KIF13A: variants seen among roughly 807,000 people sequenced by gnomAD.
KIF13A encodes kinesin-like protein KIF13A.
KIF13A carries 79 observed loss-of-function variants against 212.2 expected under a neutral mutation model. The observed-to-expected ratio is 0.37, with a 90% CI of 0.31 to 0.45. The LOEUF (loss-of-function observed/expected upper bound fraction) is 0.45, where lower values mean the gene tolerates loss of function less well. Ranked by LOEUF, KIF13A falls within the 20% of genes least tolerant of loss-of-function variation. The pLI, the probability that KIF13A is intolerant of heterozygous loss-of-function variation, is 1.00. For missense variants in KIF13A, 1,901 were observed against 2,209.0 expected, an observed-to-expected ratio of 0.86 and a Z score of 2.79; for synonymous variants, 789 against 808.6, an observed-to-expected ratio of 0.98 and a Z score of 0.41.
intron 2 of KIF13A, among the ~76,000 whole-genome samples, chr6:17,959,762 G>T (rs757613333): frequency 4.6e-5 from 7 of 152,130 alleles, no homozygotes; most frequent in Admixed American, 3.9e-4. Context: ...AGTGGCTCAC[G>T]CCCGTAATCC....
Position 17,763,929 on chromosome 6 carries a change from A to G in KIF13A, c.*181T>C, listed in dbSNP as rs1300219065. On this transcript the variant is annotated 3_prime_UTR_variant, in exon 39 of 39. Transcript: ENST00000259711. ...CCAGGTAAAAAAATCCACTGGTCTTATAATTTCACAATTGCGTTCTAGTTC... is the reference window on the plus strand; with the variant it reads ...CCAGGTAAAAAAATCCACTGGTCTTGTAATTTCACAATTGCGTTCTAGTTC... 26 of 1,432,768 alleles carry G rather than the reference A, an allele frequency of 1.8e-5. No individual in the cohort carries two copies. Among genetic ancestry groups the G allele is most frequent in the Non-Finnish European group, 2.1e-5 (23 of 1,098,206 alleles). The allele number at this position is 1,432,768 out of a possible 1,614,324, so 88.8% of individuals were successfully genotyped here.
chr6:17,940,574 A>G (rs1460351393), intron 2 of KIF13A, among the ~76,000 whole-genome samples: 1 of 152,226 alleles, frequency 6.6e-6, no homozygotes, highest in African/African-American at 2.4e-5. Flanking sequence ...GAGTTAAGAG[A>G]GAATTCCCTG....
At chr6:17,870,197 A>G (rs1386448194) in intron 4 of KIF13A, among the ~76,000 whole-genome samples, 1 of 152,220 alleles carries the variant, frequency 6.6e-6, no homozygotes, top group Non-Finnish European at 1.5e-5. Context: ...CTGAAGAATA[A>G]GAAAATATCC....
At chr6:17,978,326 G>C (rs769344511) in intron 2 of KIF13A, among the ~76,000 whole-genome samples, 5 of 152,160 alleles carry the variant, frequency 3.3e-5, no homozygotes, top group African/African-American at 4.8e-5. Flanking sequence ...TTTCCAAGGA[G>C]GAATTTCTTC....
intron 9 of KIF13A, among the ~76,000 whole-genome samples, chr6:17,844,183 T>C (rs375387067): frequency 5.7e-4 from 87 of 152,278 alleles, no homozygotes; most frequent in African/African-American, 1.9e-3. Context: ...AGAATATGGA[T>C]GGCAAATTAT....
At chr6:17,824,770 A>C (rs1392056367) in intron 16 of KIF13A, among the ~76,000 whole-genome samples, 1 of 147,432 alleles carries the variant, frequency 6.8e-6, no homozygotes, top group Non-Finnish European at 1.5e-5. Flanking sequence ...CAAAAAAAAA[A>C]AAAAAAAAAA....
intron 3 of KIF13A, among the ~76,000 whole-genome samples, chr6:17,896,705 C>T (rs1772599205): frequency 6.6e-6 from 1 of 152,224 alleles, no homozygotes; most frequent in African/African-American, 2.4e-5. Flanking sequence ...TATATACTCA[C>T]TAGAAAGTGA....
chr6:17,871,535 G>T lies in KIF13A; in HGVS notation c.220+1842C>A, dbSNP rs183814052. ...TGGGCTGCACACACACAGTGGGTTG[G>T]GGGGGGAGTCATGAATACTTAAAAA... On this transcript the variant is annotated intron_variant, in intron 4 of 38. Transcript: ENST00000259711. The surrounding 1 kb of genome is among the most constrained non-coding windows in gnomAD (Gnocchi z 4.4). Among the ~76,000 whole-genome samples the T allele has an allele frequency of 1.2e-4, 18 of 152,116 alleles. No individual in the cohort carries two copies. The South Asian group carries it at 1.2e-3, about 11-fold the overall frequency.
rs776698467 is a variant in KIF13A, at chr6:17,808,816, G to A, written c.2115C>T (p.Tyr705=). ...LAEEMSKLTD[Y]QVTLQIPAAN... is the part of the protein sequence containing the mutation. ...CAGCAGGGATCTGAAGAGTCACTTGGTAATCGGTGAGTTTGCTCATTTCCT... is the reference window on the plus strand; with the variant it reads ...CAGCAGGGATCTGAAGAGTCACTTGATAATCGGTGAGTTTGCTCATTTCCT... Residue 705 remains tyrosine, a synonymous_variant, in exon 18 of 39, where the codon TAC becomes TAT. Transcript: ENST00000259711. 6 of 1,613,844 alleles carry A rather than the reference G, an allele frequency of 3.7e-6. No individual in the cohort carries two copies. The South Asian group carries it at 5.5e-5, about 15-fold the overall frequency.
In KIF13A at chr6:17,839,341, C is replaced by A. The variant is rs1766284603; in HGVS notation, c.831-1758G>T. On this transcript the variant is annotated intron_variant, in intron 9 of 38. Coordinates refer to ENST00000259711, the MANE Select transcript of KIF13A (RefSeq NM_022113.6). The surrounding 1 kb of genome is among the most constrained non-coding windows in gnomAD (Gnocchi z 4.3). The stretch of plus-strand genomic sequence containing the variant: ...ACATAAGTCTACACAGAAACTTGTA[C>A]ATGAATATTCAAAGCAGCTTTATCC... Among the ~76,000 whole-genome samples, 1 of 152,122 alleles carries A rather than the reference C, an allele frequency of 6.6e-6. No individual in the cohort carries two copies. Among genetic ancestry groups the A allele is most frequent in the Non-Finnish European group, 1.5e-5 (1 of 68,018 alleles).
At chr6:17,866,507 A>C (rs2150423005) in intron 4 of KIF13A, among the ~76,000 whole-genome samples, 1 of 152,236 alleles carries the variant, frequency 6.6e-6, no homozygotes, top group Non-Finnish European at 1.5e-5. Context: ...CAGTGCTCTC[A>C]TAGGGAGCAG....
intron 20 of KIF13A, among the ~76,000 whole-genome samples, chr6:17,801,266 T>G (rs917081551): frequency 6.7e-6 from 1 of 150,152 alleles, no homozygotes; most frequent in Non-Finnish European, 1.5e-5. Flanking sequence ...CCGAGGCGGG[T>G]GGATCACCTG....
chr6:17,867,110 T>C (rs975573477), intron 4 of KIF13A, among the ~76,000 whole-genome samples: 1 of 151,938 alleles, frequency 6.6e-6, no homozygotes, highest in Non-Finnish European at 1.5e-5. Flanking sequence ...GTACAAAGGG[T>C]CAGTTGTATT....
At position 17,799,116 on chromosome 6, in the gene KIF13A, A is replaced by G. The variant is rs1762276454; in HGVS notation, c.2790+150T>C. On this transcript the variant is annotated intron_variant, in intron 22 of 38. Coordinates refer to ENST00000259711, the MANE Select transcript of KIF13A (RefSeq NM_022113.6). This position sits in a 1 kb window ranked among gnomAD's most constrained non-coding sequence, Gnocchi z 4.4. ...ATTTTATTTTAAATATTTCTAAACTATTTGCATTTGTAATGAGGTACATTT... is the reference window on the plus strand; with the variant it reads ...ATTTTATTTTAAATATTTCTAAACTGTTTGCATTTGTAATGAGGTACATTT... 4.4e-6 allele frequency: 2 copies of G among 451,526 alleles called. No individual in the cohort carries two copies. Among genetic ancestry groups the G allele is most frequent in the Admixed American group, 8.3e-5 (2 of 24,122 alleles). The allele number at this position is 451,526 out of a possible 1,614,324, so 28.0% of individuals were successfully genotyped here. A position where few individuals can be genotyped will look rare whatever the true frequency, so the allele number is the denominator to read the frequency against.
intron 2 of KIF13A, among the ~76,000 whole-genome samples, chr6:17,941,789 CTT>C (rs201442914): frequency 1.2e-4 from 16 of 138,302 alleles, no homozygotes; most frequent in African/African-American, 7.9e-5. Flanking sequence ...AATACATTTG[CTT>C]TTTTTTTTTT....
chr6:17,969,810 A>T (rs996544025), intron 2 of KIF13A, among the ~76,000 whole-genome samples: 1 of 152,218 alleles, frequency 6.6e-6, no homozygotes, highest in Non-Finnish European at 1.5e-5. Context: ...AATTTGGAAA[A>T]TATATTTAGG....
intron 2 of KIF13A, among the ~76,000 whole-genome samples, chr6:17,941,147 T>C (rs1776929392): frequency 6.6e-6 from 1 of 152,148 alleles, no homozygotes; most frequent in Non-Finnish European, 1.5e-5. Flanking sequence ...TTCTAAATCA[T>C]CAAAGAAGCT....
chr6:17,969,903 T>C (rs1779655174), intron 2 of KIF13A, among the ~76,000 whole-genome samples: 1 of 151,918 alleles, frequency 6.6e-6, no homozygotes, highest in Non-Finnish European at 1.5e-5. Flanking sequence ...CAAACCTAAA[T>C]GCCTGTGTAT....
chr6:17,887,817 C>G, intron 3 of KIF13A, among the ~76,000 whole-genome samples: 1 of 152,028 alleles, frequency 6.6e-6, no homozygotes, highest in Non-Finnish European at 1.5e-5. Context: ...CCTCAGCCTC[C>G]CGAGTAGCTG....
Sources: allele counts gnomAD v4.1 joint callset (sites outside exome capture counted in the v4.1 genomes callset), GRCh38; gene constraint gnomAD v4.1.1; non-coding constraint Gnocchi (gnomAD v3.1); transcripts MANE v1.5; gene names NCBI Gene and HGNC (gene_info 2026-07-23, HGNC 2026-07-21).